TTC14: variants seen among roughly 807,000 people sequenced by gnomAD.
The protein encoded by TTC14 is tetratricopeptide repeat protein 14.
TTC14 carries 63 observed loss-of-function variants against 79.9 expected under a neutral mutation model. The observed-to-expected ratio is 0.79, with a 90% CI of 0.64 to 0.97. The LOEUF is 0.97. TTC14 is among the 50% of genes least tolerant of loss of function. The pLI is 0.00. For synonymous variants in TTC14, 335 were observed against 309.6 expected (o/e 1.08, Z -0.86); for missense variants, 895 against 894.0 (o/e 1.00, Z -0.01).
intron 11 of TTC14, 80 bp downstream of exon 11, chr3:180,608,890 A>C: frequency 7.8e-7 from 1 of 1,282,080 alleles, no homozygotes; most frequent in East Asian, 3.1e-5. Flanking sequence ...AGGTAAAGTA[A>C]ATAAAAATAT....
At chr3:180,607,846 C>G in intron 10 of TTC14, 81 bp downstream of exon 10, 1 of 1,570,114 alleles carries the variant, frequency 6.4e-7, no homozygotes, top group East Asian at 2.3e-5. Flanking sequence ...GAAAACTATT[C>G]TACATTACTT....
chr3:180,612,799 AAC>A (rs1474347128), downstream of TTC14, among the ~76,000 whole-genome samples: 14 of 152,228 alleles, frequency 9.2e-5, no homozygotes, highest in Non-Finnish European at 1.6e-4. Context: ...CAAAAGAAAT[AAC>A]ACAGTGAACA....
At chr3:180,603,866 C>T in intron 3 of TTC14, 1 of 270,626 alleles carries the variant, frequency 3.7e-6, no homozygotes, top group South Asian at 4.2e-5. Flanking sequence ...GAAGGTATTA[C>T]AGATTGGATA....
Position 180,606,254 on chromosome 3 carries a change from G to A in TTC14, c.931G>A (p.Val311Met). The A allele has an allele frequency of 6.2e-7, 1 of 1,613,604 alleles. No homozygotes were observed. The highest frequency in any genetic ancestry group is 8.5e-7 in the Non-Finnish European group (1 of 1,179,838). The change falls in exon 8 of 12, where the codon GTG becomes ATG. Residue 311 changes from valine to methionine, a missense_variant and splice_region_variant. Transcript: ENST00000296015. The stretch of plus-strand genomic sequence containing the variant: ...ATGCTTTACAAATGTCTTTTTTAGT[G>A]TGAAGATCGGAGTTGACTATTTTAA... Reference protein sequence around the residue: ...KQSASWALKCVKIGVDYFKVG... With the variant: ...KQSASWALKCMKIGVDYFKVG...
downstream of TTC14, chr3:180,614,422 T>G (rs59016311): frequency 0.041 from 6,254 of 152,714 alleles, 205 homozygotes; most frequent in African/African-American, 0.076. Context: ...TGGTTAAAAA[T>G]TATAGCAAAA....
At chr3:180,604,147 A>G (rs1576918121) in intron 3 of TTC14, 78 bp from the exon 4 acceptor site, 4 of 1,307,190 alleles carry the variant, frequency 3.1e-6, no homozygotes, top group Non-Finnish European at 4.4e-6. Flanking sequence ...GTTTCATACC[A>G]AACAACTAAG....
At chr3:180,608,615 C>T (rs1319061132) in intron 10 of TTC14, 86 bp from the exon 11 acceptor site, 4 of 1,363,666 alleles carry the variant, frequency 2.9e-6, no homozygotes, top group South Asian at 1.8e-5. Context: ...TTGGGTTTCT[C>T]GTTGGGGGTG....
At chr3:180,603,410 A>G (rs189577974) in intron 3 of TTC14, 87 bp downstream of exon 3, 27 of 1,134,208 alleles carry the variant, frequency 2.4e-5, no homozygotes, top group Middle Eastern at 2.4e-4. Context: ...AGTTGTGCTC[A>G]AGTATACCTG....
chr3:180,605,031 T>G, intron 6 of TTC14, 24 bp downstream of exon 6: 2 of 1,590,888 alleles, frequency 1.3e-6, no homozygotes, highest in Non-Finnish European at 1.7e-6. Context: ...GTATTACTCT[T>G]AGATGGTGAG....
intron 6 of TTC14, 160 bp from the exon 7 acceptor site, chr3:180,605,606 A>C: frequency 1.7e-6 from 1 of 573,834 alleles, no homozygotes; most frequent in South Asian, 2.3e-5. Context: ...TAACAATAAT[A>C]ATCATTTCGA....
At chr3:180,604,081 T>C (rs770483595) in intron 3 of TTC14, 144 bp from the exon 4 acceptor site, 26 of 718,958 alleles carry the variant, frequency 3.6e-5, no homozygotes, top group South Asian at 1.7e-4. Flanking sequence ...ACACGGAAAT[T>C]ACTTTTAACT....
chr3:180,609,463 A>C, intron 11 of TTC14, 167 bp from the exon 12 acceptor site: 1 of 1,301,170 alleles, frequency 7.7e-7, no homozygotes. Context: ...TTTCCCCCAA[A>C]AGTGCTTAAT....
Position 180,610,017 on chromosome 3 carries a change from T to G in TTC14, c.1788T>G (p.Asp596Glu), listed in dbSNP as rs140629462. The change falls in exon 12 of 12, where the codon GAT (aspartate) becomes GAG (glutamate). Residue 596 changes from aspartate (D) to glutamate (E), a missense_variant. Coordinates refer to ENST00000296015, the MANE Select transcript of TTC14 (RefSeq NM_133462.4). ...ATGATTTTGGAGGTAGGTCTGAAGATCCAAGAGATTTTTATAACAGCTATA... is the reference window on the plus strand; with the variant it reads ...ATGATTTTGGAGGTAGGTCTGAAGAGCCAAGAGATTTTTATAACAGCTATA... ...IPDDFGGRSE[D>E]PRDFYNSYKT... 20 of 1,613,896 alleles carry G rather than the reference T, an allele frequency of 1.2e-5. No individual in the cohort carries two copies. The highest frequency in any genetic ancestry group is 1.6e-5 in the Non-Finnish European group (19 of 1,179,958).
chr3:180,611,705 T>TAG (rs1332141665), downstream of TTC14, among the ~76,000 whole-genome samples: 1 of 152,164 alleles, frequency 6.6e-6, no homozygotes, highest in Non-Finnish European at 1.5e-5. Context: ...ATGATGTCAT[T>TAG]AGAGTTTGCA....
At chr3:180,618,048 A>G (rs1264534858), downstream of TTC14, among the ~76,000 whole-genome samples, 1 of 152,130 alleles carries the variant, frequency 6.6e-6, no homozygotes, top group Non-Finnish European at 1.5e-5. Flanking sequence ...TAGATACACA[A>G]GTACCACTGT....
At chr3:180,603,404 G>A (rs962572375) in intron 3 of TTC14, 81 bp downstream of exon 3, 34 of 1,213,756 alleles carry the variant, frequency 2.8e-5, no homozygotes, top group Non-Finnish European at 4.1e-5. Flanking sequence ...GCATGCAGTT[G>A]TGCTCAAGTA....
exon 13 of TTC14, chr3:180,617,618 A>G (rs1717298017): frequency 4.9e-6 from 2 of 408,052 alleles, no homozygotes; most frequent in Non-Finnish European, 8.7e-6. Context: ...AAAAAATTAA[A>G]AAGTAAAAAA....
rs768838468 is a variant in TTC14, at chr3:180,604,472, C to A, written c.572-6C>A. The A allele has an allele frequency of 1.4e-6, 2 of 1,454,356 alleles. No homozygotes were observed. The highest frequency in any genetic ancestry group is 1.8e-6 in the Non-Finnish European group (2 of 1,101,914). 90.1% of individuals were successfully genotyped at this position (1,454,356 alleles called of 1,614,324 possible). On this transcript the variant is annotated splice_polypyrimidine_tract_variant and splice_region_variant and intron_variant, in intron 4 of 11. Transcript: ENST00000296015. ...TCAGCTTAGTTCTCTTTTTTTTTTT[C>A]TTAAGCTGGAATCAAGGATATTGAC... is the stretch of plus-strand genomic sequence containing the variant.
In TTC14 at chr3:180,602,367, G is replaced by C. The variant is rs936349939; in HGVS notation, c.106G>C (p.Gly36Arg). ...CAATCCACACTTCCGTAGCCTCCTG[G>C]GGTCGGCCGCCGAGCCAGCCCGGGG... ...QDNPHFRSLL[G>R]SAAEPARGPP... Residue 36 changes from glycine to arginine, a missense_variant, in exon 1 of 12, where the codon GGG becomes CGG. By Grantham distance (125) the Gly-to-Arg change is moderately radical (BLOSUM62 -2). Coordinates refer to ENST00000296015, the MANE Select transcript of TTC14 (RefSeq NM_133462.4). The C allele has an allele frequency of 6.2e-7, 1 of 1,611,636 alleles. No individual in the cohort carries two copies.
Sources: allele counts gnomAD v4.1 joint callset (sites outside exome capture counted in the v4.1 genomes callset), GRCh38; gene constraint gnomAD v4.1.1; transcripts MANE v1.5; gene names NCBI Gene and HGNC (gene_info 2026-07-23, HGNC 2026-07-21).